Variants in CCDC141 observed in about 807,000 individuals in gnomAD.
The protein encoded by CCDC141 is coiled-coil domain-containing protein 141.
Under a neutral mutation model 181.0 loss-of-function variants are expected in CCDC141, and 168 were observed. The ratio of observed to expected loss-of-function variants is 0.93; its 90% CI spans 0.82 to 1.05. CCDC141 has a LOEUF of 1.05. Ranked by LOEUF, CCDC141 falls within the 50% of genes least tolerant of loss-of-function variation. The pLI is 0.00. For synonymous variants in CCDC141, 666 were observed against 642.3 expected (o/e 1.04, Z -0.56); for missense variants, 1,902 against 1,788.5 (o/e 1.06, Z -1.14).
At chr2:178,894,423 C>T (rs1687312223) in intron 8 of CCDC141, among the ~76,000 whole-genome samples, 1 of 151,820 alleles carries the variant, frequency 6.6e-6, no homozygotes, top group Non-Finnish European at 1.5e-5. Flanking sequence ...GTTCAACAAC[C>T]AAGAGATAAA....
intron 2 of CCDC141, among the ~76,000 whole-genome samples, chr2:179,041,832 G>A (rs998468743): frequency 8.5e-5 from 13 of 152,060 alleles, no homozygotes; most frequent in African/African-American, 2.4e-4. Context: ...ATTGCATAAA[G>A]GTAAAAATTT....
intron 2 of CCDC141, among the ~76,000 whole-genome samples, chr2:178,989,527 G>A (rs1247120339): frequency 2.0e-5 from 3 of 151,270 alleles, no homozygotes; most frequent in Admixed American, 2.0e-4. Flanking sequence ...CCAGGAGGCA[G>A]AGGTTGCAGT....
At chr2:178,840,646 G>T (rs1242295408) in intron 22 of CCDC141, among the ~76,000 whole-genome samples, 3 of 152,118 alleles carry the variant, frequency 2.0e-5, no homozygotes, top group Admixed American at 1.3e-4. Flanking sequence ...TCGTCTAGAT[G>T]GGCACCCAAG....
Position 178,872,198 on chromosome 2 carries a change from GCTGCCATGC to G in CCDC141, c.2005_2013del (p.Ala669_Gln671del). ...CCAGGCTTGCTTTCCGTGGCTTTAA[GCTGCCATGC>G]CAGCCGAAGGAGGCTAAGTTCTTCC... On this transcript the variant is annotated inframe_deletion, in exon 13 of 24. Transcript: ENST00000443758. The G allele has an allele frequency of 6.2e-7, 1 of 1,613,952 alleles. No homozygotes were observed.
chr2:178,904,470 A>C (rs1687865044), intron 8 of CCDC141, among the ~76,000 whole-genome samples: 1 of 152,204 alleles, frequency 6.6e-6, no homozygotes, highest in Non-Finnish European at 1.5e-5. Context: ...AAACAGAAAT[A>C]AAATGATTTT....
chr2:178,830,316 T>A lies in CCDC141; in HGVS notation c.*3857A>T, dbSNP rs1425354512. On this transcript the variant is annotated 3_prime_UTR_variant, in exon 24 of 24. Transcript: ENST00000443758. ...CCAGCATCTATTTTTAAATTCAAAT[T>A]TTCAATCAGGGTCTAGCCCAGAGGG... 6.6e-6 allele frequency: 1 copy of A among 152,212 alleles called. No individual in the cohort carries two copies. The highest frequency in any genetic ancestry group is 1.5e-5 in the Non-Finnish European group (1 of 68,046). 9.4% of individuals were successfully genotyped at this position (152,212 alleles called of 1,614,324 possible). A position where few individuals can be genotyped will look rare whatever the true frequency, so the allele number is the denominator to read the frequency against.
intron 2 of CCDC141, among the ~76,000 whole-genome samples, chr2:179,019,835 T>C (rs888937725): frequency 2.0e-5 from 3 of 152,110 alleles, no homozygotes; most frequent in African/African-American, 7.2e-5. Flanking sequence ...GGCATGATTA[T>C]GGCTCACTGC....
At chr2:178,817,523 T>C in the CCDC141 span, 5 of 470,968 alleles carry the variant, frequency 1.1e-5, no homozygotes, top group Non-Finnish European at 2.2e-5. Flanking sequence ...CCACATGACC[T>C]ACTTCAGTAT....
chr2:178,931,036 A>T (rs1377166192), intron 6 of CCDC141, among the ~76,000 whole-genome samples: 1 of 152,216 alleles, frequency 6.6e-6, no homozygotes, highest in African/African-American at 2.4e-5. Flanking sequence ...TTCACAGAAG[A>T]TATACAAATG....
chr2:178,953,613 T>C (rs1361236681), intron 5 of CCDC141, among the ~76,000 whole-genome samples: 1 of 152,206 alleles, frequency 6.6e-6, no homozygotes, highest in Non-Finnish European at 1.5e-5. Context: ...TTGATATAAA[T>C]GTTTCAAAGT....
Position 179,049,973 on chromosome 2 carries a change from C to A in CCDC141, c.-32G>T, listed in dbSNP as rs1194484139. The A allele has an allele frequency of 1.3e-6, 2 of 1,550,054 alleles. No homozygotes were observed. The highest frequency in any genetic ancestry group is 1.7e-6 in the Non-Finnish European group (2 of 1,146,678). On this transcript the variant is annotated 5_prime_UTR_variant, in exon 1 of 24. Transcript: ENST00000443758. ...TTAGAACCAGAGTTTATACTTTGGG[C>A]AGCCTCTGGACAGTTGTGTGTCTGC...
intron 2 of CCDC141, among the ~76,000 whole-genome samples, chr2:179,024,420 T>A (rs2042774221): frequency 6.6e-6 from 1 of 152,258 alleles, no homozygotes; most frequent in African/African-American, 2.4e-5. Flanking sequence ...TATTCATTCA[T>A]TCCACAAACA....
At chr2:178,850,256 G>A in intron 20 of CCDC141, 95 bp from the exon 21 acceptor site, 1 of 657,730 alleles carries the variant, frequency 1.5e-6, no homozygotes, top group Non-Finnish European at 2.7e-6. Context: ...CAGTGTAAGG[G>A]CTGATAAATT....
intron 8 of CCDC141, among the ~76,000 whole-genome samples, chr2:178,902,660 A>G (rs1163253139): frequency 1.3e-5 from 2 of 151,978 alleles, no homozygotes; most frequent in Non-Finnish European, 2.9e-5. Context: ...ACCCTAGAAG[A>G]AAACCTAGGC....
chr2:178,921,014 T>C (rs1331592167), intron 6 of CCDC141, among the ~76,000 whole-genome samples: 1 of 152,190 alleles, frequency 6.6e-6, no homozygotes, highest in Non-Finnish European at 1.5e-5. Context: ...TACTCAAGGT[T>C]ACGTATCCAG....
At chr2:178,919,752 T>C (rs1688604881) in intron 6 of CCDC141, among the ~76,000 whole-genome samples, 1 of 152,192 alleles carries the variant, frequency 6.6e-6, no homozygotes, top group Non-Finnish European at 1.5e-5. Flanking sequence ...GCTATTAGGT[T>C]GGTACAAAGG....
At chr2:178,925,830 C>T (rs565313186) in intron 6 of CCDC141, among the ~76,000 whole-genome samples, 12 of 152,076 alleles carry the variant, frequency 7.9e-5, no homozygotes, top group African/African-American at 2.9e-4. Flanking sequence ...TTAATGTTCT[C>T]GGAGGACTTA....
chr2:178,981,028 G>C (rs923601992), intron 2 of CCDC141, among the ~76,000 whole-genome samples: 2 of 152,122 alleles, frequency 1.3e-5, no homozygotes, highest in Non-Finnish European at 2.9e-5. Flanking sequence ...TAATAATAAA[G>C]GAGTCAATCT....
At position 178,831,529 on chromosome 2, in the gene CCDC141, A is replaced by G. The variant is rs890541348; in HGVS notation, c.*2644T>C. 6.6e-6 allele frequency: 1 copy of G among 152,226 alleles called. No individual in the cohort carries two copies. The highest frequency in any genetic ancestry group is 1.5e-5 in the Non-Finnish European group (1 of 68,046). 9.4% of individuals were successfully genotyped at this position (152,226 alleles called of 1,614,324 possible). A position where few individuals can be genotyped will look rare whatever the true frequency, so the allele number is the denominator to read the frequency against. On this transcript the variant is annotated 3_prime_UTR_variant, in exon 24 of 24. Transcript: ENST00000443758. Reference sequence around the variant, plus strand: ...TTACTAACCATTCAGGATTTTCTCTAGAAGTAAATGGTTATAAATTATGTA... The same window carrying G: ...TTACTAACCATTCAGGATTTTCTCTGGAAGTAAATGGTTATAAATTATGTA...
Sources: gnomAD v4.1 joint callset for allele counts (sites outside exome capture counted in the v4.1 genomes callset) on GRCh38, gnomAD v4.1.1 for gene constraint, MANE v1.5 for transcripts, NCBI Gene and HGNC (gene_info 2026-07-23, HGNC 2026-07-21) for gene names.